Variants in OPCML observed in about 807,000 individuals in gnomAD.
The protein encoded by OPCML is opioid-binding protein/cell adhesion molecule.
In OPCML, 13 loss-of-function variants were observed where a neutral mutation model predicts 37.8. That is an observed-to-expected ratio of 0.34 (90% CI 0.22 to 0.55). OPCML has a LOEUF of 0.55. Among genes scored for constraint, OPCML ranks in the 20% least tolerant of loss-of-function variants. The pLI is 0.91. For synonymous variants in OPCML, 176 were observed against 168.8 expected, an observed-to-expected ratio of 1.04 and a Z score of -0.33; for missense variants, 341 against 435.6, an observed-to-expected ratio of 0.78 and a Z score of 1.93.
chr11:132,740,274 C>G (rs1001024906), intron 2 of OPCML, among the ~76,000 whole-genome samples: 2 of 152,156 alleles, frequency 1.3e-5, no homozygotes, highest in African/African-American at 4.8e-5. Flanking sequence ...CCTCCCCTGC[C>G]CCTTGGCTAT....
At chr11:133,376,411 G>A (rs948723844) in intron 1 of OPCML, among the ~76,000 whole-genome samples, 1 of 152,250 alleles carries the variant, frequency 6.6e-6, no homozygotes, top group South Asian at 2.1e-4. Context: ...ATATTGTGAT[G>A]ACATTAAACA....
chr11:133,417,462 C>A (rs1945793260), intron 1 of OPCML, among the ~76,000 whole-genome samples: 2 of 146,090 alleles, frequency 1.4e-5, no homozygotes, highest in South Asian at 4.3e-4. Flanking sequence ...CACCTGGATT[C>A]TTTTATTTAT....
chr11:132,766,869 T>C (rs1397973047), intron 2 of OPCML, among the ~76,000 whole-genome samples: 1 of 152,212 alleles, frequency 6.6e-6, no homozygotes, highest in Admixed American at 6.5e-5. Context: ...TTATATGATG[T>C]TGTATAAACG....
chr11:133,083,305 CCT>C lies in OPCML; in HGVS notation c.62-140297_62-140296del, dbSNP rs990150390. 5.1e-4 allele frequency among the ~76,000 whole-genome samples: 78 copies of C among 152,298 alleles called. No individual in the cohort carries two copies. In the Middle Eastern group the frequency reaches 0.01, roughly 20 times the overall value. ...TGTGGTCTCACTCCCAGACCCGACC[CCT>C]CTGAGCTGCCCCTCTCCGAGGCCCC... On this transcript the variant is annotated intron_variant, in intron 1 of 7. Transcript: ENST00000524381.
At chr11:132,713,252 T>C (rs1321051435) in intron 2 of OPCML, among the ~76,000 whole-genome samples, 2 of 152,272 alleles carry the variant, frequency 1.3e-5, no homozygotes, top group East Asian at 3.9e-4. Context: ...AATTAATCCA[T>C]CCAAGATTCC....
At chr11:132,825,844 G>A (rs1940289362) in intron 2 of OPCML, among the ~76,000 whole-genome samples, 2 of 152,188 alleles carry the variant, frequency 1.3e-5, no homozygotes, top group Non-Finnish European at 2.9e-5. Context: ...TAGAAACAAA[G>A]CTAAGGAATA....
At chr11:133,146,960 G>A (rs375922900) in intron 1 of OPCML, among the ~76,000 whole-genome samples, 13 of 152,286 alleles carry the variant, frequency 8.5e-5, no homozygotes, top group Admixed American at 2.0e-4. Flanking sequence ...CTGAGAAGCC[G>A]TGGTGCCTTC....
chr11:133,256,392 C>A (rs574637929), intron 1 of OPCML, among the ~76,000 whole-genome samples: 1 of 152,170 alleles, frequency 6.6e-6, no homozygotes, highest in Non-Finnish European at 1.5e-5. Context: ...GTAACTAATG[C>A]ACTTATATTA....
chr11:132,431,148 G>A (rs1281002876), intron 7 of OPCML, among the ~76,000 whole-genome samples: 1 of 152,226 alleles, frequency 6.6e-6, no homozygotes, highest in African/African-American at 2.4e-5. Context: ...GATTTGCAAT[G>A]GTTGGAGCAA....
chr11:133,140,796 A>ACGAC (rs1565467975), intron 1 of OPCML, among the ~76,000 whole-genome samples: 5 of 142,654 alleles, frequency 3.5e-5, no homozygotes, highest in African/African-American at 1.3e-4. Context: ...ACGAAGAAGA[A>ACGAC]GAAGAAGAAG....
intron 1 of OPCML, among the ~76,000 whole-genome samples, chr11:133,346,359 T>A (rs902769653): frequency 1.3e-5 from 2 of 152,186 alleles, no homozygotes; most frequent in Non-Finnish European, 2.9e-5. Context: ...CAAATAAGCT[T>A]CAGCATGTGA....
At chr11:132,432,134 T>A (rs2095999164) in intron 7 of OPCML, among the ~76,000 whole-genome samples, 1 of 152,220 alleles carries the variant, frequency 6.6e-6, no homozygotes, top group Non-Finnish European at 1.5e-5. Context: ...CAAGCACTGA[T>A]AAGCCAGGGT....
At chr11:132,900,233 A>G (rs1944002414) in intron 2 of OPCML, among the ~76,000 whole-genome samples, 1 of 152,106 alleles carries the variant, frequency 6.6e-6, no homozygotes. Context: ...TGTACTTTCT[A>G]TTTCGATGAA....
intron 1 of OPCML, among the ~76,000 whole-genome samples, chr11:133,433,855 T>A (rs1218003008): frequency 6.6e-6 from 1 of 152,126 alleles, no homozygotes; most frequent in Non-Finnish European, 1.5e-5. Context: ...CTTTAGCTCA[T>A]ATCCACACAG....
chr11:132,788,504 T>A (rs1027976122), intron 2 of OPCML, among the ~76,000 whole-genome samples: 1 of 152,188 alleles, frequency 6.6e-6, no homozygotes, highest in Non-Finnish European at 1.5e-5. Context: ...TCACTTCCCC[T>A]CTTCCTCGAG....
chr11:133,143,920 G>A (rs1316569917), intron 1 of OPCML, among the ~76,000 whole-genome samples: 1 of 152,226 alleles, frequency 6.6e-6, no homozygotes, highest in Non-Finnish European at 1.5e-5. Flanking sequence ...AGAGATGGAA[G>A]GTGGAGGGCT....
intron 1 of OPCML, among the ~76,000 whole-genome samples, chr11:133,170,992 G>A (rs1306183191): frequency 6.6e-6 from 1 of 152,234 alleles, no homozygotes. Context: ...CTATAAGACA[G>A]GATCCCAGAT....
rs1382909166 is a variant in OPCML at position 133,254,579 on chromosome 11, T to C, written c.61+277685A>G. Among the ~76,000 whole-genome samples the C allele has an allele frequency of 4.6e-5, 7 of 152,156 alleles. No homozygotes were observed. In the East Asian group the frequency reaches 1.2e-3, roughly 25 times the overall value. On this transcript the variant is annotated intron_variant, in intron 1 of 7. Transcript: ENST00000524381. ...TGACTCAGGCCAAAGAAGATGAAGATGAAGTCAAGAGACCCTGAGCAGACA... is the reference window on the plus strand; with the variant it reads ...TGACTCAGGCCAAAGAAGATGAAGACGAAGTCAAGAGACCCTGAGCAGACA...
intron 2 of OPCML, among the ~76,000 whole-genome samples, chr11:132,806,246 A>C (rs777851319): frequency 6.6e-6 from 1 of 152,108 alleles, no homozygotes; most frequent in Non-Finnish European, 1.5e-5. Context: ...CATATGGTAG[A>C]CTTAAATCAA....
Sources: gnomAD v4.1 joint callset for allele counts (sites outside exome capture counted in the v4.1 genomes callset) on GRCh38, gnomAD v4.1.1 for gene constraint, MANE v1.5 for transcripts, NCBI Gene and HGNC (gene_info 2026-07-23, HGNC 2026-07-21) for gene names.